SMYD3: variants seen among roughly 807,000 people sequenced by gnomAD.
The protein encoded by SMYD3 is SET and MYND domain containing 3, also known as histone-lysine N-methyltransferase SMYD3.
SMYD3 carries 36 observed loss-of-function variants against 57.7 expected under a neutral mutation model. The ratio of observed to expected loss-of-function variants is 0.62; its 90% CI spans 0.48 to 0.82. The LOEUF is 0.82. Among genes scored for constraint, SMYD3 ranks in the 40% least tolerant of loss-of-function variants. The probability of loss-of-function intolerance (pLI) is 0.00; values close to 1 mark genes in which losing one functional copy is unlikely to be tolerated. For missense variants in SMYD3, 515 were observed against 538.8 expected, an observed-to-expected ratio of 0.96 and a Z score of 0.44; for synonymous variants, 211 against 195.0, an observed-to-expected ratio of 1.08 and a Z score of -0.68.
chr1:245,764,194 TG>T (rs2045973559), intron 10 of SMYD3, 45 bp from the exon 11 acceptor site: 3 of 1,328,884 alleles, frequency 2.3e-6, no homozygotes, highest in Non-Finnish European at 3.3e-6. Context: ...CCCTCACCTT[TG>T]CAGTCAGCAT....
intron 10 of SMYD3, among the ~76,000 whole-genome samples, chr1:245,768,153 T>C (rs898489134): frequency 6.6e-6 from 1 of 152,232 alleles, no homozygotes; most frequent in Non-Finnish European, 1.5e-5. Context: ...GTTTGGGTGA[T>C]ATAAATTTTC....
intron 5 of SMYD3, among the ~76,000 whole-genome samples, chr1:246,312,212 G>A (rs1206250002): frequency 6.6e-6 from 1 of 152,188 alleles, no homozygotes; most frequent in East Asian, 1.9e-4. Context: ...ATACTTAAAA[G>A]CCTTGATTTC....
chr1:245,988,177 A>C (rs1163277847), intron 5 of SMYD3, among the ~76,000 whole-genome samples: 3 of 152,030 alleles, frequency 2.0e-5, no homozygotes, highest in Admixed American at 2.0e-4. Context: ...ACAGGGCTAC[A>C]CAAGCCTCCC....
intron 10 of SMYD3, among the ~76,000 whole-genome samples, chr1:245,817,487 C>A (rs954092887): frequency 7.2e-5 from 11 of 152,020 alleles, no homozygotes; most frequent in East Asian, 1.9e-4. Flanking sequence ...AAAAGCAGAG[C>A]ACCTCTCCTC....
intron 5 of SMYD3, among the ~76,000 whole-genome samples, chr1:246,271,096 T>C (rs527785124): frequency 6.6e-6 from 1 of 152,350 alleles, no homozygotes; most frequent in East Asian, 1.9e-4. Context: ...CATGTGCTTA[T>C]TGGCGTATCT....
intron 5 of SMYD3, among the ~76,000 whole-genome samples, chr1:246,007,500 T>A (rs367605082): frequency 2.0e-5 from 3 of 151,804 alleles, no homozygotes; most frequent in Non-Finnish European, 4.4e-5. Context: ...TAAAAGGAGA[T>A]GAAAGGACTA....
At chr1:246,492,626 A>G (rs1193049034) in intron 1 of SMYD3, among the ~76,000 whole-genome samples, 1 of 152,254 alleles carries the variant, frequency 6.6e-6, no homozygotes, top group East Asian at 1.9e-4. Flanking sequence ...ACTAGGAAAC[A>G]TGACCAACAA....
intron 5 of SMYD3, among the ~76,000 whole-genome samples, chr1:246,166,024 C>G (rs1217131081): frequency 6.6e-6 from 1 of 151,892 alleles, no homozygotes; most frequent in Non-Finnish European, 1.5e-5. Flanking sequence ...GGGTCATCCT[C>G]GGTGACCCAC....
At position 245,930,023 on chromosome 1, in the gene SMYD3, A is replaced by G. The variant is rs570780757; in HGVS notation, c.532-86T>C. The G allele has an allele frequency of 5.8e-3, 6,222 of 1,077,322 alleles. 35 individuals are homozygous for G. Among genetic ancestry groups the G allele is most frequent in the Non-Finnish European group, 7.4e-3 (5,187 of 702,932 alleles). The allele number at this position is 1,077,322 out of a possible 1,614,324, so 66.7% of individuals were successfully genotyped here. Reference sequence around the variant, plus strand: ...GAGAATAAAAAACGTTCAAACCCAAATGTAGGAGCATCTTAGTAGTTGCTT... The same window carrying G: ...GAGAATAAAAAACGTTCAAACCCAAGTGTAGGAGCATCTTAGTAGTTGCTT... On this transcript the variant is annotated intron_variant, in intron 5 of 11. Coordinates refer to ENST00000490107, the MANE Select transcript of SMYD3 (RefSeq NM_001167740.2).
chr1:245,861,548 C>T lies in SMYD3; in HGVS notation c.901+2251G>A, dbSNP rs189837134. 3.4e-4 allele frequency among the ~76,000 whole-genome samples: 52 copies of T among 152,304 alleles called. No homozygotes were observed. In the East Asian group the frequency reaches 9.7e-3, roughly 28 times the overall value. On this transcript the variant is annotated intron_variant, in intron 9 of 11. Transcript: ENST00000490107. ...GCCTCCTCTCACCTATAAAGTCTAA[C>T]CGGTGCATGGCAGTTAAGGCCTTGC...
chr1:246,341,082 T>A (rs1487592928), intron 2 of SMYD3, among the ~76,000 whole-genome samples: 1 of 152,262 alleles, frequency 6.6e-6, no homozygotes, highest in Non-Finnish European at 1.5e-5. Flanking sequence ...TTGCTATTTT[T>A]GTCTTTCTCT....
chr1:245,765,807 C>G (rs1243582763), intron 10 of SMYD3, among the ~76,000 whole-genome samples: 3 of 152,104 alleles, frequency 2.0e-5, no homozygotes. Flanking sequence ...GAATCCATCA[C>G]TCACGCAGGG....
chr1:245,814,340 A>C, intron 10 of SMYD3: 1 of 981,762 alleles, frequency 1.0e-6, no homozygotes, highest in Non-Finnish European at 1.2e-6. Context: ...TAAGGTAGAT[A>C]CCTGAAGCAG....
intron 5 of SMYD3, among the ~76,000 whole-genome samples, chr1:246,083,823 C>A (rs2060682726): frequency 6.6e-6 from 1 of 152,150 alleles, no homozygotes; most frequent in Non-Finnish European, 1.5e-5. Context: ...AAAAAACCCA[C>A]ACAATACACA....
intron 5 of SMYD3, among the ~76,000 whole-genome samples, chr1:246,005,969 A>G (rs1558576724): frequency 6.6e-6 from 1 of 152,162 alleles, no homozygotes; most frequent in Non-Finnish European, 1.5e-5. Context: ...TTGAGAACCT[A>G]ATTGTTCCCA....
At chr1:245,823,393 G>A (rs746837842) in intron 10 of SMYD3, among the ~76,000 whole-genome samples, 3 of 152,104 alleles carry the variant, frequency 2.0e-5, no homozygotes, top group African/African-American at 7.2e-5. Context: ...CCAGGCATCC[G>A]TCCCTGGAGA....
At chr1:246,253,438 AG>A (rs2063827736) in intron 5 of SMYD3, among the ~76,000 whole-genome samples, 1 of 152,202 alleles carries the variant, frequency 6.6e-6, no homozygotes, top group South Asian at 2.1e-4. Flanking sequence ...GTTGCTGCAA[AG>A]GACATGATTT....
At chr1:246,095,853 G>A (rs900770915) in intron 5 of SMYD3, among the ~76,000 whole-genome samples, 3 of 152,138 alleles carry the variant, frequency 2.0e-5, no homozygotes, top group Admixed American at 2.0e-4. Flanking sequence ...CCCAGCCTAA[G>A]CAACAGGCAA....
At chr1:246,195,827 T>C (rs1248227831) in intron 5 of SMYD3, among the ~76,000 whole-genome samples, 1 of 152,178 alleles carries the variant, frequency 6.6e-6, no homozygotes. Context: ...TAGGAAGCCC[T>C]ACGAACACTC....
Sources: gnomAD v4.1 joint callset for allele counts (sites outside exome capture counted in the v4.1 genomes callset) on GRCh38, gnomAD v4.1.1 for gene constraint, MANE v1.5 for transcripts, NCBI Gene and HGNC (gene_info 2026-07-23, HGNC 2026-07-21) for gene names.